RBKS: variants seen among roughly 807,000 people sequenced by gnomAD.
RBKS encodes ribokinase.
RBKS carries 33 observed loss-of-function variants against 33.9 expected under a neutral mutation model. The observed-to-expected ratio is 0.97, with a 90% CI of 0.74 to 1.30. RBKS has a LOEUF of 1.30. Ranked by LOEUF, RBKS falls within the 50% of genes most tolerant of loss-of-function variation. RBKS has a pLI of 0.00. For missense variants in RBKS, 361 were observed against 392.6 expected, an observed-to-expected ratio of 0.92 and a Z score of 0.68; for synonymous variants, 125 against 143.0, an observed-to-expected ratio of 0.87 and a Z score of 0.90.
At position 27,843,231 on chromosome 2, in the gene RBKS, C is replaced by G; in HGVS notation, c.350G>C (p.Gly117Ala). The G allele has an allele frequency of 6.3e-7, 1 of 1,597,102 alleles. No homozygotes were observed. The highest frequency in any genetic ancestry group is 1.1e-5 in the South Asian group (1 of 87,930). ...GTASIIVNNEGQNIIVIVAGA... is the reference protein window; with the variant it reads ...GTASIIVNNEAQNIIVIVAGA... The stretch of plus-strand genomic sequence containing the variant: ...AGCCACTATGACAATGATATTCTGG[C>G]CTATAAAGAAATTCCACCTATTATA... Residue 117 changes from glycine (G) to alanine (A), a missense_variant and splice_region_variant, in exon 5 of 8, where the codon GGC (glycine) becomes GCC (alanine). Physicochemically the swap from Gly to Ala is moderately conservative, Grantham distance 60. Coordinates refer to ENST00000302188, the MANE Select transcript of RBKS (RefSeq NM_022128.3).
At chr2:27,806,688 C>A (rs1299118516) in intron 7 of RBKS, among the ~76,000 whole-genome samples, 1 of 152,208 alleles carries the variant, frequency 6.6e-6, no homozygotes, top group Non-Finnish European at 1.5e-5. Context: ...TATTTTGAAA[C>A]TTCTCTTTCA....
intron 1 of RBKS, among the ~76,000 whole-genome samples, chr2:27,868,239 A>T (rs935087838): frequency 8.5e-5 from 13 of 152,212 alleles, no homozygotes; most frequent in African/African-American, 3.1e-4. Context: ...TCAATTATTA[A>T]ATTTTAATTT....
chr2:27,784,595 C>G (rs1390289775), intron 7 of RBKS, among the ~76,000 whole-genome samples: 2 of 152,124 alleles, frequency 1.3e-5, no homozygotes, highest in African/African-American at 4.8e-5. Context: ...ATAGAATGAG[C>G]CAGATTTATA....
intron 2 of RBKS, among the ~76,000 whole-genome samples, chr2:27,849,030 A>G (rs1663680840): frequency 6.6e-6 from 1 of 152,070 alleles, no homozygotes; most frequent in African/African-American, 2.4e-5. Context: ...ACTGGGGCTC[A>G]CCATGTGGAG....
intron 2 of RBKS, among the ~76,000 whole-genome samples, chr2:27,854,427 G>T (rs1444505768): frequency 6.6e-6 from 1 of 152,164 alleles, no homozygotes; most frequent in Non-Finnish European, 1.5e-5. Flanking sequence ...GTGGAAGCAG[G>T]ATCTGGTCAA....
chr2:27,810,025 G>A lies in RBKS; in HGVS notation c.795+17542C>T. 7.7e-7 allele frequency: 1 copy of A among 1,304,232 alleles called. No homozygotes were observed. The highest frequency in any genetic ancestry group is 1.2e-5 in the South Asian group (1 of 81,018). 80.8% of individuals were successfully genotyped at this position (1,304,232 alleles called of 1,614,324 possible). ...TCTTCACACTTGCTGCTTCACTCTT[G>A]GGTCTTGAGCCAGGTCTACACTGTG... On this transcript the variant is annotated intron_variant, in intron 7 of 7. Coordinates refer to ENST00000302188, the MANE Select transcript of RBKS (RefSeq NM_022128.3). This position sits in a 1 kb window ranked among gnomAD's most constrained non-coding sequence, Gnocchi z 4.4.
In RBKS at chr2:27,804,783, G is replaced by A. The variant is rs6718939; in HGVS notation, c.795+22784C>T. Reference sequence around the variant, plus strand: ...TTCCTGGCCAGGCACGGTGGCTCAAGCCTGTAAACTCAGCACTTTGGGAGG... The same window carrying A: ...TTCCTGGCCAGGCACGGTGGCTCAAACCTGTAAACTCAGCACTTTGGGAGG... On this transcript the variant is annotated intron_variant, in intron 7 of 7. Coordinates refer to ENST00000302188, the MANE Select transcript of RBKS (RefSeq NM_022128.3). 4.4e-4 allele frequency among the ~76,000 whole-genome samples: 67 copies of A among 152,330 alleles called. 1 individual carries two copies. In the East Asian group the frequency reaches 8.5e-3, roughly 19 times the overall value.
chr2:27,786,368 C>A (rs1224430267), intron 7 of RBKS, among the ~76,000 whole-genome samples: 1 of 152,120 alleles, frequency 6.6e-6, no homozygotes, highest in African/African-American at 2.4e-5. Flanking sequence ...TGCACCCTGA[C>A]CAGAGTGGAG....
At chr2:27,865,189 A>G (rs1023351662) in intron 1 of RBKS, among the ~76,000 whole-genome samples, 19 of 152,154 alleles carry the variant, frequency 1.2e-4, no homozygotes, top group Non-Finnish European at 2.4e-4. Flanking sequence ...GCGTGGTGGC[A>G]GGCACCTGTA....
intron 1 of RBKS, among the ~76,000 whole-genome samples, chr2:27,871,401 T>C (rs907074160): frequency 6.6e-6 from 1 of 152,196 alleles, no homozygotes; most frequent in African/African-American, 2.4e-5. Flanking sequence ...ACAAAGCAGG[T>C]TCAATGCACC....
intron 7 of RBKS, among the ~76,000 whole-genome samples, chr2:27,815,661 C>T (rs1558539965): frequency 6.6e-6 from 1 of 152,170 alleles, no homozygotes; most frequent in Admixed American, 6.5e-5. Flanking sequence ...ACCACAGGCT[C>T]ACTGCCATAT....
chr2:27,883,791 G>A (rs1294919020), intron 1 of RBKS, among the ~76,000 whole-genome samples: 3 of 150,976 alleles, frequency 2.0e-5, no homozygotes, highest in Non-Finnish European at 4.4e-5. Flanking sequence ...AAACTCCTGG[G>A]TTCAAACAAT....
At chr2:27,863,707 A>G (rs964379604) in intron 1 of RBKS, among the ~76,000 whole-genome samples, 2 of 152,260 alleles carry the variant, frequency 1.3e-5, no homozygotes, top group Non-Finnish European at 2.9e-5. Flanking sequence ...TTCTGACAAC[A>G]GAAGCCTCTA....
At chr2:27,872,303 G>A (rs1248091864) in intron 1 of RBKS, among the ~76,000 whole-genome samples, 1 of 152,036 alleles carries the variant, frequency 6.6e-6, no homozygotes, top group Admixed American at 6.5e-5. Context: ...CAACAAATGT[G>A]ACTGGATTAC....
chr2:27,862,677 C>A (rs77353560), intron 1 of RBKS, among the ~76,000 whole-genome samples: 22,227 of 152,184 alleles, frequency 0.15, 2,073 homozygotes, highest in East Asian at 0.28. Context: ...GTCCCCTGCT[C>A]TTGACTCGGG....
chr2:27,795,995 A>G lies in RBKS; in HGVS notation c.796-14207T>C, dbSNP rs564026785. On this transcript the variant is annotated intron_variant, in intron 7 of 7. Coordinates refer to ENST00000302188, the MANE Select transcript of RBKS (RefSeq NM_022128.3). The surrounding 1 kb of genome is among the most constrained non-coding windows in gnomAD (Gnocchi z 4.1). Reference sequence around the variant, plus strand: ...GACCTGACTTATTGGTCCTGGTTCTATCATGTTCTTCTCTTCCCATGATCT... The same window carrying G: ...GACCTGACTTATTGGTCCTGGTTCTGTCATGTTCTTCTCTTCCCATGATCT... 1.3e-5 allele frequency among the ~76,000 whole-genome samples: 2 copies of G among 152,198 alleles called. No individual in the cohort carries two copies. Among genetic ancestry groups the G allele is most frequent in the Admixed American group, 6.5e-5 (1 of 15,286 alleles).
chr2:27,789,969 A>ATATATATATATATG (rs1553374171), intron 7 of RBKS, among the ~76,000 whole-genome samples: 1 of 137,840 alleles, frequency 7.3e-6, no homozygotes, highest in Admixed American at 7.3e-5. Context: ...ATATATATAT[A>ATATATATATATATG]TATGTATATA....
chr2:27,858,440 T>TAA lies in RBKS; in HGVS notation c.220_221insTT (p.Lys74IlefsTer13). On this transcript the variant is annotated frameshift_variant and splice_region_variant, in exon 2 of 8. Coordinates refer to ENST00000302188, the MANE Select transcript of RBKS (RefSeq NM_022128.3). LOFTEE classifies it high-confidence loss of function. ...CTCTCCACTATACTTTGTACTTACC[T>TAA]TACACACCATGGACGTCATTGCTCC... 6.2e-7 allele frequency: 1 copy of TAA among 1,612,752 alleles called. No individual in the cohort carries two copies. The highest frequency in any genetic ancestry group is 8.5e-7 in the Non-Finnish European group (1 of 1,179,616).
chr2:27,783,335 C>T (rs1457638936), intron 7 of RBKS, among the ~76,000 whole-genome samples: 1 of 152,170 alleles, frequency 6.6e-6, no homozygotes, highest in African/African-American at 2.4e-5. Context: ...TGTATAGTCC[C>T]TGCCCTAGCC....
Sources: gnomAD v4.1 joint callset for allele counts (sites outside exome capture counted in the v4.1 genomes callset) on GRCh38, gnomAD v4.1.1 for gene constraint, Gnocchi (gnomAD v3.1) non-coding constraint, MANE v1.5 for transcripts, NCBI Gene and HGNC (gene_info 2026-07-23, HGNC 2026-07-21) for gene names.